The following GALNT9 variants were observed in gnomAD, a reference collection of about 807,000 sequenced individuals.
GALNT9 encodes GalNAc transferase 9.
Under a neutral mutation model 63.1 loss-of-function variants are expected in GALNT9, and 47 were observed. The ratio of observed to expected loss-of-function variants is 0.75; its 90% CI spans 0.59 to 0.95. The LOEUF (loss-of-function observed/expected upper bound fraction) is 0.95. GALNT9 is among the 40% of genes least tolerant of loss of function. GALNT9 has a pLI of 0.00. For synonymous variants in GALNT9, 396 were observed against 365.7 expected (o/e 1.08, Z -0.94); for missense variants, 829 against 874.8 (o/e 0.95, Z 0.66).
At chr12:132,235,702 AC>A (rs1394598474) in intron 6 of GALNT9, among the ~76,000 whole-genome samples, 1 of 145,924 alleles carries the variant, frequency 6.9e-6, no homozygotes, top group East Asian at 2.0e-4. Context: ...CTGGAGTTCA[AC>A]CCTCGGGACA....
At position 132,203,692 on chromosome 12, in the gene GALNT9, T is replaced by TGCGGGGAGACGGC. The variant is rs770912107; in HGVS notation, c.1078-15_1078-3dup. 8.7e-6 allele frequency: 14 copies of TGCGGGGAGACGGC among 1,611,122 alleles called. No homozygotes were observed. The highest frequency in any genetic ancestry group is 6.7e-5 in the Admixed American group (4 of 59,854). ...CATGCTGCCGCCACACTGCCACACCTGCGGGGAGACGGCGCTGGGTGCCGG... is the reference window on the plus strand; with the variant it reads ...CATGCTGCCGCCACACTGCCACACCTGCGGGGAGACGGCGCGGGGAGACGGCGCTGGGTGCCGG... On this transcript the variant is annotated splice_region_variant and splice_polypyrimidine_tract_variant and intron_variant, in intron 6 of 10. Transcript: ENST00000328957.
chr12:132,328,955 C>T lies in GALNT9; in HGVS notation c.238+11G>A, dbSNP rs540434846. The T allele has an allele frequency of 2.6e-6, 4 of 1,512,506 alleles. No individual in the cohort carries two copies. In the African/African-American group the frequency reaches 4.2e-5, roughly 16 times the overall value. 93.7% of individuals were successfully genotyped at this position (1,512,506 alleles called of 1,614,324 possible). On this transcript the variant is annotated intron_variant, in intron 1 of 10. Coordinates refer to ENST00000328957, the MANE Select transcript of GALNT9 (RefSeq NM_001122636.2). ...GGGCTGCCCCCACTCCGCCCCGGCG[C>T]CCCCGCTCACCGTTGAGCTGGTTGT...
rs370830110 is a variant in GALNT9, at chr12:132,282,393, ACGTGTGTGCG to A, written c.419+3847_419+3856del. On this transcript the variant is annotated intron_variant, in intron 2 of 10. Coordinates refer to ENST00000328957, the MANE Select transcript of GALNT9 (RefSeq NM_001122636.2). This position sits in a 1 kb window ranked among gnomAD's most constrained non-coding sequence, Gnocchi z 4.5. ...TGTGCTTAAAGAAAAAACTAAAAAT[ACGTGTGTGCG>A]CGTGTGTGCGTGTGTGTGCGTGTGT... Among the ~76,000 whole-genome samples the A allele has an allele frequency of 5.8e-3, 870 of 151,222 alleles. 8 individuals carry two copies. The highest frequency in any genetic ancestry group is 0.019 in the African/African-American group (769 of 40,716).
At chr12:132,258,227 G>A (rs1057272266) in intron 4 of GALNT9, among the ~76,000 whole-genome samples, 13 of 152,148 alleles carry the variant, frequency 8.5e-5, no homozygotes, top group Non-Finnish European at 1.9e-4. Flanking sequence ...GGGCTCCCCA[G>A]CTCGGTCTCC....
intron 6 of GALNT9, among the ~76,000 whole-genome samples, chr12:132,229,037 G>A (rs2135525232): frequency 6.6e-6 from 1 of 152,196 alleles, no homozygotes; most frequent in East Asian, 1.9e-4. Flanking sequence ...AGAACACATG[G>A]CCACGTGGTC....
intron 1 of GALNT9, among the ~76,000 whole-genome samples, chr12:132,291,466 G>C (rs1386101162): frequency 1.6e-5 from 2 of 128,534 alleles, no homozygotes; most frequent in Non-Finnish European, 1.7e-5. Flanking sequence ...CACATCCACA[G>C]CACCCACGTC....
At position 132,327,849 on chromosome 12, in the gene GALNT9, G is replaced by A. The variant is rs1323898482; in HGVS notation, c.238+1117C>T. 2.1e-5 allele frequency among the ~76,000 whole-genome samples: 3 copies of A among 143,646 alleles called. No homozygotes were observed. Among genetic ancestry groups the A allele is most frequent in the Non-Finnish European group, 4.5e-5 (3 of 66,194 alleles). 94.2% of individuals were successfully genotyped at this position (143,646 alleles called of 152,430 possible). On this transcript the variant is annotated intron_variant, in intron 1 of 10. Coordinates refer to ENST00000328957, the MANE Select transcript of GALNT9 (RefSeq NM_001122636.2). This position sits in a 1 kb window ranked among gnomAD's most constrained non-coding sequence, Gnocchi z 4.3. ...CGGCCTGTCTGCAGCCCACCCTCAAGAGAGGGTGTGGCTCCTGAAGGAAAC... is the reference window on the plus strand; with the variant it reads ...CGGCCTGTCTGCAGCCCACCCTCAAAAGAGGGTGTGGCTCCTGAAGGAAAC...
chr12:132,304,361 G>A (rs1479738848), intron 1 of GALNT9, among the ~76,000 whole-genome samples: 42 of 75,618 alleles, frequency 5.6e-4, no homozygotes, highest in South Asian at 1.7e-3. Context: ...CCTCACCCGG[G>A]CACAGCCTCA....
rs550029850 is a variant in GALNT9 at position 132,324,830 on chromosome 12, G to A, written c.238+4136C>T. On this transcript the variant is annotated intron_variant, in intron 1 of 10. Transcript: ENST00000328957. ...GGACTCCTGGCAGTGTTTTGCGTCC[G>A]GATTAAAGGTCTGGGACCCCACTGT... is the stretch of plus-strand genomic sequence containing the variant. Among the ~76,000 whole-genome samples, 247 of 152,180 alleles carry A rather than the reference G, an allele frequency of 1.6e-3. 1 individual carries two copies. The highest frequency in any genetic ancestry group is 5.4e-3 in the African/African-American group (224 of 41,510).
intron 6 of GALNT9, among the ~76,000 whole-genome samples, chr12:132,204,309 C>T (rs781382990): frequency 1.3e-5 from 2 of 152,196 alleles, no homozygotes; most frequent in African/African-American, 2.4e-5. Context: ...CGTGCTCTTT[C>T]ACTCCGGTTT....
intron 1 of GALNT9, among the ~76,000 whole-genome samples, chr12:132,306,455 C>A (rs551593852): frequency 6.6e-6 from 1 of 152,280 alleles, no homozygotes; most frequent in South Asian, 2.1e-4. Flanking sequence ...CTCCTGGGGT[C>A]TGGGGGCCGA....
At chr12:132,250,459 T>C (rs1213853324) in intron 5 of GALNT9, among the ~76,000 whole-genome samples, 2 of 152,174 alleles carry the variant, frequency 1.3e-5, no homozygotes, top group East Asian at 3.9e-4. Context: ...CAATGGCCCA[T>C]TGAGTGCTTT....
intron 6 of GALNT9, among the ~76,000 whole-genome samples, chr12:132,247,123 C>A (rs1878732350): frequency 6.6e-6 from 1 of 151,444 alleles, no homozygotes. Flanking sequence ...GAAGCAGAAG[C>A]CCGGCCGAGC....
intron 1 of GALNT9, among the ~76,000 whole-genome samples, chr12:132,294,058 C>T (rs931756417): frequency 6.6e-6 from 1 of 152,240 alleles, no homozygotes; most frequent in Admixed American, 6.5e-5. Context: ...GGAGTAGGAA[C>T]ATTTGCAAAC....
At chr12:132,216,544 C>T (rs912357891) in intron 6 of GALNT9, among the ~76,000 whole-genome samples, 16 of 152,236 alleles carry the variant, frequency 1.1e-4, no homozygotes, top group Admixed American at 9.2e-4. Flanking sequence ...AGGAATGGGA[C>T]AGGGAGGGGG....
intron 4 of GALNT9, among the ~76,000 whole-genome samples, chr12:132,259,167 C>A (rs1879268387): frequency 6.6e-6 from 1 of 152,224 alleles, no homozygotes; most frequent in Non-Finnish European, 1.5e-5. Flanking sequence ...AAGGCAGAAT[C>A]CTTTGTGGAG....
chr12:132,243,487 A>G (rs1878552127), intron 6 of GALNT9, among the ~76,000 whole-genome samples: 2 of 124,666 alleles, frequency 1.6e-5, no homozygotes, highest in South Asian at 2.9e-4. Context: ...CAGGGCATCC[A>G]CTCTTTGGGG....
In GALNT9 at chr12:132,310,438, C is replaced by G. The variant is rs953629242; in HGVS notation, c.238+18528G>C. Among the ~76,000 whole-genome samples the G allele has an allele frequency of 8.5e-5, 13 of 152,312 alleles. No individual in the cohort carries two copies. The highest frequency in any genetic ancestry group is 3.1e-4 in the African/African-American group (13 of 41,564). On this transcript the variant is annotated intron_variant, in intron 1 of 10. Transcript: ENST00000328957. This position sits in a 1 kb window ranked among gnomAD's most constrained non-coding sequence, Gnocchi z 4.8. The stretch of plus-strand genomic sequence containing the variant: ...CTGCCTCCCACCCAACAGCCCCACC[C>G]AGAAGGACGGGGCCGGCCATCTCCT...
intron 6 of GALNT9, among the ~76,000 whole-genome samples, chr12:132,223,232 ACACAACC>A (rs1877544203): frequency 2.5e-5 from 2 of 79,924 alleles, no homozygotes; most frequent in Non-Finnish European, 5.0e-5. Flanking sequence ...CAGACACCCC[ACACAACC>A]CACACCCCAC....
Sources: allele counts gnomAD v4.1 joint callset (sites outside exome capture counted in the v4.1 genomes callset), GRCh38; gene constraint gnomAD v4.1.1; non-coding constraint Gnocchi (gnomAD v3.1); transcripts MANE v1.5; gene names NCBI Gene and HGNC (gene_info 2026-07-23, HGNC 2026-07-21).